Variants in EPHA4 observed in about 807,000 individuals in gnomAD.
EPHA4 encodes the protein ephrin type-A receptor 4.
Under a neutral mutation model 108.3 loss-of-function variants are expected in EPHA4, and 19 were observed. That is an observed-to-expected ratio of 0.18 (90% CI 0.12 to 0.26). The LOEUF (loss-of-function observed/expected upper bound fraction) is 0.26, where lower values mean the gene tolerates loss of function less well. Ranked by LOEUF, EPHA4 falls within the 10% of genes least tolerant of loss-of-function variation. The pLI, the probability that EPHA4 is intolerant of heterozygous loss-of-function variation, is 1.00. For synonymous variants in EPHA4, 449 were observed against 455.5 expected (o/e 0.99, Z 0.18); for missense variants, 917 against 1,254.0 (o/e 0.73, Z 4.06).
intron 5 of EPHA4, among the ~76,000 whole-genome samples, chr2:221,462,988 A>G (rs1283422448): frequency 6.6e-6 from 1 of 152,186 alleles, no homozygotes; most frequent in Non-Finnish European, 1.5e-5. Flanking sequence ...AGTCATAATG[A>G]TAAATCCAGA....
In EPHA4 at chr2:221,557,331, G is replaced by T. The variant is rs185857334; in HGVS notation, c.823+6400C>A. On this transcript the variant is annotated intron_variant, in intron 3 of 17. Transcript: ENST00000281821. ...CTCTACTCTGGAACCTAAATGAAAT[G>T]GTTTCTTTGTTGGATTGATCAAACA... Among the ~76,000 whole-genome samples, 63 of 152,174 alleles carry T rather than the reference G, an allele frequency of 4.1e-4. 1 individual carries two copies. The highest frequency in any genetic ancestry group is 1.4e-3 in the African/African-American group (58 of 41,526).
intron 3 of EPHA4, among the ~76,000 whole-genome samples, chr2:221,546,643 C>T (rs1162438382): frequency 1.3e-5 from 2 of 152,050 alleles, no homozygotes; most frequent in African/African-American, 4.8e-5. Flanking sequence ...TTTTGCTTCA[C>T]TAAGCTATGG....
intron 5 of EPHA4, among the ~76,000 whole-genome samples, chr2:221,479,298 C>G (rs1175097144): frequency 1.3e-5 from 2 of 152,202 alleles, no homozygotes; most frequent in Non-Finnish European, 2.9e-5. Flanking sequence ...GGAGCTGCTC[C>G]TCAACTCTTA....
intron 15 of EPHA4, among the ~76,000 whole-genome samples, chr2:221,427,267 T>C (rs903562214): frequency 1.3e-5 from 2 of 152,232 alleles, no homozygotes; most frequent in African/African-American, 4.8e-5. Flanking sequence ...GATTGTGGAA[T>C]GTGCTTCTCG....
chr2:221,547,022 T>A (rs1188899566), intron 3 of EPHA4, among the ~76,000 whole-genome samples: 2 of 152,056 alleles, frequency 1.3e-5, no homozygotes, highest in African/African-American at 4.8e-5. Flanking sequence ...GAAAGGTGAG[T>A]CATTTCCACT....
chr2:221,526,976 A>G (rs1350751661), intron 3 of EPHA4, among the ~76,000 whole-genome samples: 2 of 150,406 alleles, frequency 1.3e-5, no homozygotes, highest in African/African-American at 2.5e-5. Context: ...CAAAAAAAAA[A>G]TTAAGCCGGG....
intron 3 of EPHA4, among the ~76,000 whole-genome samples, chr2:221,555,320 G>T (rs964313459): frequency 6.6e-6 from 1 of 152,194 alleles, no homozygotes; most frequent in African/African-American, 2.4e-5. Flanking sequence ...TTTGGCTGGG[G>T]TTTCCAAAGG....
intron 15 of EPHA4, among the ~76,000 whole-genome samples, chr2:221,428,375 T>C (rs577268097): frequency 4.6e-5 from 7 of 152,238 alleles, no homozygotes; most frequent in Non-Finnish European, 8.8e-5. Flanking sequence ...CATCTCATTA[T>C]AGGTAAGCCA....
rs150827986 is a variant in EPHA4, at chr2:221,420,474, G to A, written c.*898C>T. On this transcript the variant is annotated 3_prime_UTR_variant, in exon 18 of 18. Coordinates refer to ENST00000281821, the MANE Select transcript of EPHA4 (RefSeq NM_004438.5). The stretch of plus-strand genomic sequence containing the variant: ...AGAAACACATTTAGACGGAACTGAG[G>A]AGGGTGTGTTCTGTTTTCTTCCACG... 6.5e-6 allele frequency: 1 copy of A among 152,790 alleles called. No homozygotes were observed. Among genetic ancestry groups the A allele is most frequent in the African/African-American group, 2.4e-5 (1 of 41,590 alleles). 9.5% of individuals were successfully genotyped at this position (152,790 alleles called of 1,614,324 possible). A position where few individuals can be genotyped will look rare whatever the true frequency, so the allele number is the denominator to read the frequency against.
At chr2:221,434,636 G>A (rs937953958) in intron 13 of EPHA4, among the ~76,000 whole-genome samples, 2 of 152,182 alleles carry the variant, frequency 1.3e-5, no homozygotes, top group African/African-American at 4.8e-5. Context: ...ACATTTGTTT[G>A]ATTTTTTGTT....
intron 3 of EPHA4, among the ~76,000 whole-genome samples, chr2:221,516,748 C>A (rs905404702): frequency 6.6e-6 from 1 of 151,874 alleles, no homozygotes; most frequent in African/African-American, 2.4e-5. Flanking sequence ...TAGTCCAGCA[C>A]GTTTATCTTT....
chr2:221,445,006 C>CA (rs1690549344), intron 9 of EPHA4, among the ~76,000 whole-genome samples: 1 of 152,064 alleles, frequency 6.6e-6, no homozygotes, highest in African/African-American at 2.4e-5. Flanking sequence ...GATCTGCCCT[C>CA]CTTGGCCTCC....
rs574333240 is a variant in EPHA4 at position 221,571,748 on chromosome 2, G to A, written c.91+410C>T. ...TCGAAAGGCTTTCGCTAGAATCCGGGAGCACCAAGCCTTCACTGTGCTCCA... is the reference window on the plus strand; with the variant it reads ...TCGAAAGGCTTTCGCTAGAATCCGGAAGCACCAAGCCTTCACTGTGCTCCA... On this transcript the variant is annotated intron_variant, in intron 1 of 17. Coordinates refer to ENST00000281821, the MANE Select transcript of EPHA4 (RefSeq NM_004438.5). The surrounding 1 kb of genome is among the most constrained non-coding windows in gnomAD (Gnocchi z 6.3). Among the ~76,000 whole-genome samples the A allele has an allele frequency of 1.3e-5, 2 of 152,292 alleles. No homozygotes were observed. The highest frequency in any genetic ancestry group is 2.4e-5 in the African/African-American group (1 of 41,570).
Position 221,443,723 on chromosome 2 carries a change from G to A in EPHA4, c.1775-117C>T, listed in dbSNP as rs556011163. The A allele has an allele frequency of 6.1e-5, 37 of 611,454 alleles. No individual in the cohort carries two copies. In the African/African-American group the frequency reaches 6.5e-4, roughly 11 times the overall value. 37.9% of individuals were successfully genotyped at this position (611,454 alleles called of 1,614,324 possible). A position where few individuals can be genotyped will look rare whatever the true frequency, so the allele number is the denominator to read the frequency against. ...AAAGTCAAGTTAGCTGTACGGTCTT[G>A]ACATATGAAAATGGTTAAATTCTTG... On this transcript the variant is annotated intron_variant, in intron 9 of 17. Coordinates refer to ENST00000281821, the MANE Select transcript of EPHA4 (RefSeq NM_004438.5).
intron 5 of EPHA4, among the ~76,000 whole-genome samples, chr2:221,481,857 C>T (rs1691830225): frequency 1.3e-5 from 2 of 152,162 alleles, no homozygotes; most frequent in African/African-American, 4.8e-5. Context: ...AAAGAGCACT[C>T]TGCATTGGTA....
At chr2:221,517,578 G>A (rs897051973) in intron 3 of EPHA4, among the ~76,000 whole-genome samples, 3 of 152,050 alleles carry the variant, frequency 2.0e-5, no homozygotes, top group Non-Finnish European at 4.4e-5. Flanking sequence ...GCCGGGAGTC[G>A]AGAGTTCCAA....
chr2:221,490,975 C>G (rs745678996), intron 4 of EPHA4, among the ~76,000 whole-genome samples: 1 of 152,188 alleles, frequency 6.6e-6, no homozygotes, highest in Non-Finnish European at 1.5e-5. Context: ...GCAGGGCTGT[C>G]CATGATTAAA....
At chr2:221,473,552 G>GAAA (rs772366510) in intron 5 of EPHA4, among the ~76,000 whole-genome samples, 1,412 of 109,518 alleles carry the variant, frequency 0.013, 39 homozygotes, top group Admixed American at 0.05. Context: ...GTGTTTAAAG[G>GAAA]AAAAAAAAAA....
rs538469136 is a variant in EPHA4 at position 221,425,826 on chromosome 2, C to T, written c.*202G>A. ...CTGAGAAACGATTTGTTCCAGGTCT[C>T]ATTCAAATGACCGGCAGTCATTTCT... On this transcript the variant is annotated 3_prime_UTR_variant, in exon 17 of 18. Transcript: ENST00000281821. 1 of 572,320 alleles carries T rather than the reference C, an allele frequency of 1.7e-6. No homozygotes were observed. Among genetic ancestry groups the T allele is most frequent in the Non-Finnish European group, 3.1e-6 (1 of 322,756 alleles). 35.5% of individuals were successfully genotyped at this position (572,320 alleles called of 1,614,324 possible). A position where few individuals can be genotyped will look rare whatever the true frequency, so the allele number is the denominator to read the frequency against.
Sources: gnomAD v4.1 joint callset for allele counts (sites outside exome capture counted in the v4.1 genomes callset) on GRCh38, gnomAD v4.1.1 for gene constraint, Gnocchi (gnomAD v3.1) non-coding constraint, MANE v1.5 for transcripts, NCBI Gene and HGNC (gene_info 2026-07-23, HGNC 2026-07-21) for gene names.